ZNF148: variants seen among roughly 807,000 people sequenced by gnomAD.
ZNF148 encodes the protein zinc finger protein 148, also known as Beta-Enolase Repressor Factor-1.
Under a neutral mutation model 67.7 loss-of-function variants are expected in ZNF148, and 7 were observed. That is an observed-to-expected ratio of 0.10 (90% CI 0.06 to 0.19). The LOEUF (loss-of-function observed/expected upper bound fraction) is 0.19, where lower values mean the gene tolerates loss of function less well. ZNF148 is among the 10% of genes least tolerant of loss of function. The pLI is 1.00. For synonymous variants in ZNF148, 333 were observed against 330.7 expected, an observed-to-expected ratio of 1.01 and a Z score of -0.08; for missense variants, 583 against 947.1, an observed-to-expected ratio of 0.62 and a Z score of 5.05.
rs190116451 is a variant in ZNF148, at chr3:125,243,044, G to A, written c.668-8715C>T. ...ATTAGCTTATCTAGAATTAGAGGGA[G>A]GAGAGTTCTCTGAAGTGTTTATGTT... On this transcript the variant is annotated intron_variant, in intron 7 of 8. Transcript: ENST00000360647. 4.6e-5 allele frequency among the ~76,000 whole-genome samples: 7 copies of A among 152,304 alleles called. No homozygotes were observed. In the East Asian group the frequency reaches 1.2e-3, roughly 25 times the overall value.
intron 7 of ZNF148, among the ~76,000 whole-genome samples, chr3:125,246,073 C>T (rs1425009718): frequency 2.0e-5 from 3 of 152,076 alleles, no homozygotes; most frequent in Non-Finnish European, 4.4e-5. Flanking sequence ...TTTTTTTCTA[C>T]AAAACTTCCC....
At chr3:125,312,380 C>T in intron 4 of ZNF148, among the ~76,000 whole-genome samples, 1 of 152,192 alleles carries the variant, frequency 6.6e-6, no homozygotes, top group Non-Finnish European at 1.5e-5. Context: ...CAGAGCACAA[C>T]TACAAGTAGT....
intron 4 of ZNF148, chr3:125,311,134 T>G (rs929679295): frequency 4.3e-5 from 8 of 187,130 alleles, no homozygotes; most frequent in Middle Eastern, 1.8e-3. Context: ...AGTAGCTCCA[T>G]GGTTTGGATT....
intron 4 of ZNF148, among the ~76,000 whole-genome samples, chr3:125,305,165 C>A (rs1023061515): frequency 3.9e-5 from 6 of 152,142 alleles, no homozygotes; most frequent in Non-Finnish European, 2.9e-5. Flanking sequence ...AGTGAACCAT[C>A]ATCTGAATGA....
At chr3:125,365,824 T>C (rs1224964500) in intron 1 of ZNF148, among the ~76,000 whole-genome samples, 2 of 152,164 alleles carry the variant, frequency 1.3e-5, no homozygotes, top group Non-Finnish European at 2.9e-5. Flanking sequence ...CTCACGTTCG[T>C]TCATTCAATA....
chr3:125,243,559 C>G (rs1579601589), intron 7 of ZNF148, among the ~76,000 whole-genome samples: 1 of 152,098 alleles, frequency 6.6e-6, no homozygotes, highest in Non-Finnish European at 1.5e-5. Flanking sequence ...CTCACTCTGG[C>G]ACCCAGGCTG....
chr3:125,234,066 C>T, intron 8 of ZNF148, 127 bp from the exon 9 acceptor site: 1 of 1,313,894 alleles, frequency 7.6e-7, no homozygotes, highest in African/African-American at 1.5e-5. Context: ...CAAACAAATT[C>T]ACTGAGCCAA....
chr3:125,298,618 A>ATT lies in ZNF148; in HGVS notation c.334-10392_334-10391dup, dbSNP rs11312460. On this transcript the variant is annotated intron_variant, in intron 4 of 8. Transcript: ENST00000360647. ...ACAAAATATTGTACATTTATATTAAATTTTTTTTTTTTTTTTTTTTTTTTG... is the reference window on the plus strand; with the variant it reads ...ACAAAATATTGTACATTTATATTAAATTTTTTTTTTTTTTTTTTTTTTTTTTG... Among the ~76,000 whole-genome samples, 550 of 102,578 alleles carry ATT rather than the reference A, an allele frequency of 5.4e-3. 1 individual carries two copies. The highest frequency in any genetic ancestry group is 6.7e-3 in the Non-Finnish European group (368 of 54,980). 67.3% of individuals were successfully genotyped at this position (102,578 alleles called of 152,430 possible).
intron 7 of ZNF148, among the ~76,000 whole-genome samples, chr3:125,236,574 A>G (rs1936102117): frequency 6.6e-6 from 1 of 152,226 alleles, no homozygotes; most frequent in South Asian, 2.1e-4. Context: ...GTGTTTAGAT[A>G]CTATAAAATG....
intron 5 of ZNF148, among the ~76,000 whole-genome samples, chr3:125,286,108 T>C (rs1938642872): frequency 2.0e-5 from 3 of 152,154 alleles, no homozygotes; most frequent in Admixed American, 2.0e-4. Context: ...CCAATCACTA[T>C]CACAAATGAT....
chr3:125,237,869 C>T (rs1267534587), intron 7 of ZNF148, among the ~76,000 whole-genome samples: 1 of 152,160 alleles, frequency 6.6e-6, no homozygotes, highest in African/African-American at 2.4e-5. Flanking sequence ...AGGACTTATA[C>T]TTCCAGATTT....
chr3:125,303,443 C>A (rs1939706850), intron 4 of ZNF148, among the ~76,000 whole-genome samples: 1 of 152,224 alleles, frequency 6.6e-6, no homozygotes, highest in Non-Finnish European at 1.5e-5. Flanking sequence ...TGTATTTACA[C>A]ACTGTCCCCA....
At chr3:125,245,428 T>C (rs574623323) in intron 7 of ZNF148, among the ~76,000 whole-genome samples, 1 of 152,302 alleles carries the variant, frequency 6.6e-6, no homozygotes, top group South Asian at 2.1e-4. Context: ...AGTTTCCTGA[T>C]GCCTCCCCAG....
At chr3:125,256,116 C>G (rs1396180669) in intron 7 of ZNF148, among the ~76,000 whole-genome samples, 1 of 151,902 alleles carries the variant, frequency 6.6e-6, no homozygotes, top group Non-Finnish European at 1.5e-5. Context: ...GTAATTCCAG[C>G]ACTTTGGGAG....
intron 1 of ZNF148, among the ~76,000 whole-genome samples, chr3:125,347,005 G>A (rs1371095238): frequency 6.6e-6 from 1 of 151,988 alleles, no homozygotes; most frequent in Non-Finnish European, 1.5e-5. Flanking sequence ...AGTTCACCAA[G>A]GATGCAAAAT....
chr3:125,233,258 T>G lies in ZNF148; in HGVS notation c.1468A>C (p.Asn490His). Residue 490 changes from asparagine to histidine, a missense_variant, in exon 9 of 9, where the codon AAT becomes CAT. Around this residue, in one of 5 missense-constraint regions of ZNF148, gnomAD observed 172 missense variants for 307.7 expected, o/e 0.56. Coordinates refer to ENST00000360647, the MANE Select transcript of ZNF148 (RefSeq NM_021964.3). This position sits in a 1 kb window ranked among gnomAD's most constrained non-coding sequence, Gnocchi z 5.1. ...GGCTGAGAAGCTATGGTACCCACAT[T>G]CAGCGCATATTCCCTGCTGTTGTTA... ...ASNNSREYAL[N>H]VGTIASQPSV... 6.2e-7 allele frequency: 1 copy of G among 1,613,966 alleles called. No individual in the cohort carries two copies. Among genetic ancestry groups the G allele is most frequent in the Non-Finnish European group, 8.5e-7 (1 of 1,179,926 alleles).
At chr3:125,296,937 C>T (rs914674359) in intron 4 of ZNF148, among the ~76,000 whole-genome samples, 3 of 151,674 alleles carry the variant, frequency 2.0e-5, no homozygotes, top group Non-Finnish European at 4.4e-5. Flanking sequence ...TATGCAAACA[C>T]ACCAACTACC....
chr3:125,286,071 A>G (rs565905322), intron 5 of ZNF148, among the ~76,000 whole-genome samples: 10 of 152,188 alleles, frequency 6.6e-5, no homozygotes, highest in Non-Finnish European at 1.0e-4. Context: ...GATACCCCAT[A>G]GATCAGCAAT....
At chr3:125,337,990 G>A (rs894095935) in intron 1 of ZNF148, among the ~76,000 whole-genome samples, 1 of 151,840 alleles carries the variant, frequency 6.6e-6, no homozygotes, top group Non-Finnish European at 1.5e-5. Flanking sequence ...ATGCCACCCA[G>A]ACACTAGGAA....
Sources: allele counts gnomAD v4.1 joint callset (sites outside exome capture counted in the v4.1 genomes callset), GRCh38; gene constraint gnomAD v4.1.1; regional missense constraint gnomAD v4.1.1; non-coding constraint Gnocchi (gnomAD v3.1); transcripts MANE v1.5; gene names NCBI Gene and HGNC (gene_info 2026-07-23, HGNC 2026-07-21).